ASTN2: variants seen among roughly 807,000 people sequenced by gnomAD.
The protein encoded by ASTN2 is astrotactin 2.
ASTN2 carries 54 observed loss-of-function variants against 139.8 expected under a neutral mutation model. The observed-to-expected ratio is 0.39, with a 90% CI of 0.31 to 0.48. The LOEUF (loss-of-function observed/expected upper bound fraction) is 0.48. ASTN2 is among the 20% of genes least tolerant of loss of function. The pLI is 0.95. For synonymous variants in ASTN2, 756 were observed against 719.5 expected (o/e 1.05, Z -0.81); for missense variants, 1,565 against 1,725.1 (o/e 0.91, Z 1.64).
intron 16 of ASTN2, among the ~76,000 whole-genome samples, chr9:116,675,757 G>A (rs1588176039): frequency 6.6e-6 from 1 of 152,214 alleles, no homozygotes. Flanking sequence ...TACATTTGGT[G>A]AGCCCTAAAG....
chr9:117,079,096 C>T (rs576217908), intron 5 of ASTN2, among the ~76,000 whole-genome samples: 3 of 152,180 alleles, frequency 2.0e-5, no homozygotes, highest in African/African-American at 7.2e-5. Context: ...TGAATCACAC[C>T]TGTAATCCCA....
chr9:116,651,035 C>T (rs1857882012), intron 17 of ASTN2, among the ~76,000 whole-genome samples: 1 of 151,988 alleles, frequency 6.6e-6, no homozygotes, highest in Admixed American at 6.6e-5. Flanking sequence ...CCTGCCTCAG[C>T]CTCCCAACGT....
intron 1 of ASTN2, among the ~76,000 whole-genome samples, chr9:117,292,886 T>C (rs1834629783): frequency 6.6e-6 from 1 of 152,062 alleles, no homozygotes; most frequent in Admixed American, 6.6e-5. Context: ...ATCACCCAAT[T>C]CCACTGAACT....
chr9:116,746,510 A>G (rs1030041637), intron 13 of ASTN2, among the ~76,000 whole-genome samples: 5 of 152,068 alleles, frequency 3.3e-5, no homozygotes, highest in African/African-American at 4.8e-5. Context: ...CTTCATCTCA[A>G]GATGAGCTGA....
chr9:116,627,936 T>C lies in ASTN2; in HGVS notation c.3073-7493A>G, dbSNP rs541231146. On this transcript the variant is annotated intron_variant, in intron 17 of 22. Coordinates refer to ENST00000313400, the MANE Select transcript of ASTN2 (RefSeq NM_001365068.1). ...CTGTGAGCTAGGTGTAGTTATTATA[T>C]CCAATTTGCATTTGTTTCCAAGGTC... Among the ~76,000 whole-genome samples, 8 of 152,348 alleles carry C rather than the reference T, an allele frequency of 5.3e-5. No homozygotes were observed. The East Asian group carries it at 1.5e-3, about 29-fold the overall frequency.
intron 4 of ASTN2, among the ~76,000 whole-genome samples, chr9:117,135,547 G>C (rs1829930828): frequency 1.3e-5 from 2 of 152,142 alleles, no homozygotes; most frequent in Non-Finnish European, 2.9e-5. Flanking sequence ...CCAGTTCCCT[G>C]TTAGGCATTC....
At chr9:117,120,018 G>GTGTGTGTGTGTATATATATATATA (rs1306397698) in intron 4 of ASTN2, among the ~76,000 whole-genome samples, 4 of 45,988 alleles carry the variant, frequency 8.7e-5, no homozygotes, top group African/African-American at 3.3e-4. Flanking sequence ...GTGTGTGTGT[G>GTGTGTGTGTGTATATATATATATA]TATATATATA....
At chr9:117,403,436 G>A (rs1454002785) in intron 1 of ASTN2, among the ~76,000 whole-genome samples, 3 of 152,196 alleles carry the variant, frequency 2.0e-5, no homozygotes, top group Admixed American at 6.5e-5. Context: ...GACCAGTCCT[G>A]CTCCTGAATA....
chr9:117,222,083 T>C (rs1225504525), intron 2 of ASTN2, among the ~76,000 whole-genome samples: 6 of 152,154 alleles, frequency 3.9e-5, no homozygotes, highest in African/African-American at 1.4e-4. Flanking sequence ...TCATGATAAT[T>C]TTAATACATG....
intron 5 of ASTN2, among the ~76,000 whole-genome samples, chr9:117,041,764 T>G (rs757046887): frequency 7.2e-5 from 11 of 152,200 alleles, no homozygotes; most frequent in Admixed American, 1.3e-4. Context: ...AGGGCTGAAT[T>G]ACTGCAGTGC....
intron 21 of ASTN2, among the ~76,000 whole-genome samples, chr9:116,441,961 C>T (rs1272558302): frequency 6.6e-6 from 1 of 152,160 alleles, no homozygotes; most frequent in East Asian, 1.9e-4. Flanking sequence ...CTGATGGTAG[C>T]TCTATGCTAA....
At chr9:117,246,335 C>A (rs1833381985) in intron 2 of ASTN2, among the ~76,000 whole-genome samples, 1 of 152,138 alleles carries the variant, frequency 6.6e-6, no homozygotes, top group South Asian at 2.1e-4. Flanking sequence ...ATAGTGTTTT[C>A]ATTAGGGGAG....
chr9:116,875,235 T>C (rs1833266309), intron 10 of ASTN2, among the ~76,000 whole-genome samples: 1 of 152,230 alleles, frequency 6.6e-6, no homozygotes, highest in African/African-American at 2.4e-5. Flanking sequence ...TTAGAAGTGC[T>C]ACTTCTGTGA....
chr9:117,176,618 AG>A (rs1359396216), intron 3 of ASTN2, among the ~76,000 whole-genome samples: 1 of 152,220 alleles, frequency 6.6e-6, no homozygotes, highest in Non-Finnish European at 1.5e-5. Context: ...GATGAAGCCA[AG>A]GGAAAGATCA....
rs559117501 is a variant in ASTN2 at position 116,441,847 on chromosome 9, G to C, written c.3598+606C>G. Among the ~76,000 whole-genome samples the C allele has an allele frequency of 2.6e-5, 4 of 152,282 alleles. No homozygotes were observed. The East Asian group carries it at 7.7e-4, about 29-fold the overall frequency. On this transcript the variant is annotated intron_variant, in intron 21 of 22. Transcript: ENST00000313400. ...GAAGAACAAAGTATATGGTGGATCT[G>C]ATTGACTGATTATATTTTTTCAGGT...
chr9:116,843,037 C>T (rs1282815558), intron 11 of ASTN2, among the ~76,000 whole-genome samples: 2 of 152,198 alleles, frequency 1.3e-5, no homozygotes, highest in Non-Finnish European at 2.9e-5. Flanking sequence ...GCCTGGCCTC[C>T]TCTTCCTGAA....
At chr9:116,610,114 A>G (rs559596452) in intron 19 of ASTN2, among the ~76,000 whole-genome samples, 1 of 152,352 alleles carries the variant, frequency 6.6e-6, no homozygotes, top group East Asian at 1.9e-4. Flanking sequence ...CACATTATTA[A>G]GCAGGTCATG....
intron 16 of ASTN2, among the ~76,000 whole-genome samples, chr9:116,694,749 G>A (rs545165682): frequency 7.9e-4 from 120 of 151,862 alleles, no homozygotes; most frequent in African/African-American, 2.8e-3. Context: ...GGGATTACAG[G>A]CATGAGCCAC....
At chr9:116,733,910 G>A (rs536162650) in intron 13 of ASTN2, among the ~76,000 whole-genome samples, 1 of 152,152 alleles carries the variant, frequency 6.6e-6, no homozygotes, top group Non-Finnish European at 1.5e-5. Context: ...GCCGCTAAAT[G>A]TCCCCTGGCA....
Sources: allele counts gnomAD v4.1 joint callset (sites outside exome capture counted in the v4.1 genomes callset), GRCh38; gene constraint gnomAD v4.1.1; transcripts MANE v1.5; gene names NCBI Gene and HGNC (gene_info 2026-07-23, HGNC 2026-07-21).